MYO7B: variants seen among roughly 807,000 people sequenced by gnomAD.
The protein encoded by MYO7B is myosin VIIB.
MYO7B carries 212 observed loss-of-function variants against 259.7 expected under a neutral mutation model. The observed-to-expected ratio is 0.82, with a 90% CI of 0.73 to 0.91. The LOEUF is 0.91. MYO7B is among the 40% of genes least tolerant of loss of function. The pLI is 0.00. For missense variants in MYO7B, 2,732 were observed against 2,813.5 expected, an observed-to-expected ratio of 0.97 and a Z score of 0.66; for synonymous variants, 1,197 against 1,166.4, an observed-to-expected ratio of 1.03 and a Z score of -0.54.
chr2:127,599,383 G>A (rs1451175061), intron 19 of MYO7B, among the ~76,000 whole-genome samples: 2 of 152,146 alleles, frequency 1.3e-5, no homozygotes, highest in African/African-American at 4.8e-5. Flanking sequence ...ATTTTTGTGT[G>A]TTGACTTCAT....
chr2:127,628,668 CT>C lies in MYO7B; in HGVS notation c.4624+134del. The C allele has an allele frequency of 1.0e-6, 1 of 985,340 alleles. No homozygotes were observed. Among genetic ancestry groups the C allele is most frequent in the South Asian group, 1.6e-5 (1 of 60,672 alleles). The allele number at this position is 985,340 out of a possible 1,614,324, so 61.0% of individuals were successfully genotyped here. A position where few individuals can be genotyped will look rare whatever the true frequency, so the allele number is the denominator to read the frequency against. On this transcript the variant is annotated intron_variant, in intron 34 of 47. Coordinates refer to ENST00000409816, the MANE Select transcript of MYO7B (RefSeq NM_001393586.1). This position sits in a 1 kb window ranked among gnomAD's most constrained non-coding sequence, Gnocchi z 4.8. ...AGCAGAGGGAGGGAAGGCCCCAAAGCTCTGTGGGGGCAGCTTTAGGCAAGGC... is the reference window on the plus strand; with the variant it reads ...AGCAGAGGGAGGGAAGGCCCCAAAGCCTGTGGGGGCAGCTTTAGGCAAGGC...
rs371035844 is a variant in MYO7B, at chr2:127,584,312, G to A, written c.1534G>A (p.Glu512Lys). The change falls in exon 13 of 48, where the codon GAA (glutamate) becomes AAA (lysine). Residue 512 changes from glutamate to lysine, a missense_variant. This residue lies in a region of MYO7B where 1,906 missense variants were observed against 2,026.4 expected (regional missense o/e 0.94). Coordinates refer to ENST00000409816, the MANE Select transcript of MYO7B (RefSeq NM_001393586.1). The surrounding 1 kb of genome is among the most constrained non-coding windows in gnomAD (Gnocchi z 5.8). ...KPMSIISLLD[E>K]ESRFPQGTDL... ...CATGAGCATCATCTCCCTCCTGGAC[G>A]AAGAAAGCCGCTTCCCGCAGGTGTG... 4.3e-6 allele frequency: 7 copies of A among 1,613,930 alleles called. No homozygotes were observed. The South Asian group carries it at 4.4e-5, about 10-fold the overall frequency.
chr2:127,581,705 C>G (rs1376608553), intron 10 of MYO7B, among the ~76,000 whole-genome samples, 186 bp from the exon 11 acceptor site: 7 of 152,168 alleles, frequency 4.6e-5, no homozygotes, highest in Non-Finnish European at 8.8e-5. Context: ...AGGGCTTGAC[C>G]CACCGAGCTG....
At position 127,576,741 on chromosome 2, in the gene MYO7B, A is replaced by C. The variant is rs1678884292; in HGVS notation, c.849+33A>C. On this transcript the variant is annotated intron_variant, in intron 8 of 47. Transcript: ENST00000409816. The surrounding 1 kb of genome is among the most constrained non-coding windows in gnomAD (Gnocchi z 4.9). The stretch of plus-strand genomic sequence containing the variant: ...GCCCACCTGCCGCCTCCCAGTAGCC[A>C]GTGGAAGGGAGGAAAAAGAGCTTGT... 1 of 1,438,712 alleles carries C rather than the reference A, an allele frequency of 7.0e-7. No homozygotes were observed. The highest frequency in any genetic ancestry group is 9.7e-7 in the Non-Finnish European group (1 of 1,030,172). The allele number at this position is 1,438,712 out of a possible 1,614,324, so 89.1% of individuals were successfully genotyped here.
Position 127,578,122 on chromosome 2 carries a change from C to G in MYO7B, c.850-11C>G, listed in dbSNP as rs1429360564. The G allele has an allele frequency of 6.2e-7, 1 of 1,613,348 alleles. No homozygotes were observed. The highest frequency in any genetic ancestry group is 1.7e-5 in the Admixed American group (1 of 60,002). ...GGATGGCCCCATTCACTGAGGCACCCTGTCCCTCAGGGGAACTGCACTTCC... is the reference window on the plus strand; with the variant it reads ...GGATGGCCCCATTCACTGAGGCACCGTGTCCCTCAGGGGAACTGCACTTCC... On this transcript the variant is annotated splice_polypyrimidine_tract_variant and intron_variant, in intron 8 of 47. Coordinates refer to ENST00000409816, the MANE Select transcript of MYO7B (RefSeq NM_001393586.1).
chr2:127,536,139 G>A (rs190065396), intron 1 of MYO7B, among the ~76,000 whole-genome samples: 121 of 152,276 alleles, frequency 7.9e-4, no homozygotes, highest in African/African-American at 2.9e-3. Flanking sequence ...CTCCCACCCT[G>A]AAGCCTCCTC....
Position 127,576,529 on chromosome 2 carries a change from C to CT in MYO7B, c.736-65dup. On this transcript the variant is annotated intron_variant, in intron 7 of 47. Transcript: ENST00000409816. This position sits in a 1 kb window ranked among gnomAD's most constrained non-coding sequence, Gnocchi z 4.9. ...CAGGGCTGGGCTGGGCAGAGGCAGTCTGAGGCCCTGAGGCCTCAGGGGAAT... is the reference window on the plus strand; with the variant it reads ...CAGGGCTGGGCTGGGCAGAGGCAGTCTTGAGGCCCTGAGGCCTCAGGGGAAT... The CT allele has an allele frequency of 2.9e-6, 3 of 1,033,504 alleles. No individual in the cohort carries two copies. The highest frequency in any genetic ancestry group is 4.2e-6 in the Non-Finnish European group (3 of 708,728). The allele number at this position is 1,033,504 out of a possible 1,614,324, so 64.0% of individuals were successfully genotyped here.
At chr2:127,622,164 G>A in intron 28 of MYO7B, 63 bp downstream of exon 28, 1 of 1,498,150 alleles carries the variant, frequency 6.7e-7, no homozygotes, top group South Asian at 1.3e-5. Flanking sequence ...GGGACCCCCA[G>A]CACAGCTCAT....
chr2:127,537,272 G>C (rs1332214137), intron 1 of MYO7B, among the ~76,000 whole-genome samples: 1 of 152,156 alleles, frequency 6.6e-6, no homozygotes, highest in Non-Finnish European at 1.5e-5. Context: ...CCTGTCTGGG[G>C]CTCCAGCTAT....
intron 12 of MYO7B, among the ~76,000 whole-genome samples, chr2:127,583,622 C>G (rs566246957): frequency 2.0e-5 from 3 of 152,302 alleles, no homozygotes; most frequent in African/African-American, 7.2e-5. Flanking sequence ...GGGGCCATTT[C>G]CCAAGGCAGG....
At chr2:127,555,489 A>G (rs1693603729) in intron 1 of MYO7B, among the ~76,000 whole-genome samples, 1 of 152,096 alleles carries the variant, frequency 6.6e-6, no homozygotes, top group East Asian at 1.9e-4. Context: ...CCTTCCTTAG[A>G]TTGCCTATTT....
rs543443305 is a variant in MYO7B at position 127,625,635 on chromosome 2, C to T, written c.4215+100C>T. 4 of 1,283,620 alleles carry T rather than the reference C, an allele frequency of 3.1e-6. No individual in the cohort carries two copies. The African/African-American group carries it at 4.6e-5, about 15-fold the overall frequency. The allele number at this position is 1,283,620 out of a possible 1,614,324, so 79.5% of individuals were successfully genotyped here. A position where few individuals can be genotyped will look rare whatever the true frequency, so the allele number is the denominator to read the frequency against. On this transcript the variant is annotated intron_variant, in intron 31 of 47. Transcript: ENST00000409816. ...GGAGATGGATTCCCTCCCCACAACCCCCACCCCCTGGGGAACAACAAGCCT... is the reference window on the plus strand; with the variant it reads ...GGAGATGGATTCCCTCCCCACAACCTCCACCCCCTGGGGAACAACAAGCCT...
chr2:127,617,544 A>G (rs1429692555), intron 26 of MYO7B, among the ~76,000 whole-genome samples: 2 of 115,652 alleles, frequency 1.7e-5, no homozygotes, highest in African/African-American at 3.5e-5. Flanking sequence ...CGCCCAGGCC[A>G]GACTGCGGAC....
At chr2:127,537,267 C>G (rs1280846236) in intron 1 of MYO7B, among the ~76,000 whole-genome samples, 1 of 152,160 alleles carries the variant, frequency 6.6e-6, no homozygotes, top group Non-Finnish European at 1.5e-5. Context: ...ACTGGCCTGT[C>G]TGGGGCTCCA....
intron 19 of MYO7B, among the ~76,000 whole-genome samples, chr2:127,602,991 C>A (rs1047386497): frequency 6.6e-5 from 10 of 151,062 alleles, no homozygotes; most frequent in African/African-American, 2.4e-4. Flanking sequence ...CAGAGTGAGA[C>A]CTTGTCTCAA....
chr2:127,608,288 A>G (rs1680234959), intron 21 of MYO7B, among the ~76,000 whole-genome samples: 1 of 152,226 alleles, frequency 6.6e-6, no homozygotes, highest in African/African-American at 2.4e-5. Context: ...GCTGCCTGCA[A>G]AGCAGCCTTA....
chr2:127,564,094 C>T, intron 2 of MYO7B, 59 bp from the exon 3 acceptor site: 3 of 1,241,354 alleles, frequency 2.4e-6, no homozygotes, highest in Non-Finnish European at 3.4e-6. Flanking sequence ...AAGTAAGTAT[C>T]CAGCAGGGAG....
intron 26 of MYO7B, among the ~76,000 whole-genome samples, chr2:127,619,116 G>T (rs1342365060): frequency 1.4e-5 from 2 of 143,096 alleles, no homozygotes; most frequent in East Asian, 4.3e-4. Flanking sequence ...GGATGGTAGA[G>T]GCTGGTTGGA....
At chr2:127,593,692 G>T in intron 18 of MYO7B, 48 bp downstream of exon 18, 1 of 1,558,464 alleles carries the variant, frequency 6.4e-7, no homozygotes, top group Non-Finnish European at 8.8e-7. Flanking sequence ...GCAGCATGTG[G>T]GCTTGTCAGC....
Sources: allele counts gnomAD v4.1 joint callset (sites outside exome capture counted in the v4.1 genomes callset), GRCh38; gene constraint gnomAD v4.1.1; regional missense constraint gnomAD v4.1.1; non-coding constraint Gnocchi (gnomAD v3.1); transcripts MANE v1.5; gene names NCBI Gene and HGNC (gene_info 2026-07-23, HGNC 2026-07-21).